The following GREB1L variants were observed in gnomAD, a reference collection of about 807,000 sequenced individuals.
GREB1L encodes GREB1 like retinoic acid receptor coactivator.
A neutral mutation model predicts 200.8 loss-of-function variants in GREB1L; 17 were observed. The ratio of observed to expected loss-of-function variants is 0.08; its 90% CI spans 0.06 to 0.13. The LOEUF (loss-of-function observed/expected upper bound fraction) is 0.13, where lower values mean the gene tolerates loss of function less well. Ranked by LOEUF, GREB1L falls within the 10% of genes least tolerant of loss-of-function variation. The pLI is 1.00. For missense variants in GREB1L, 1,657 were observed against 2,367.7 expected (o/e 0.70, Z 6.23); for synonymous variants, 789 against 893.0 (o/e 0.88, Z 2.08).
chr18:21,434,647 G>C (rs930793229), intron 7 of GREB1L, among the ~76,000 whole-genome samples: 1 of 150,972 alleles, frequency 6.6e-6, no homozygotes, highest in African/African-American at 2.4e-5. Flanking sequence ...TAGGTTAAAT[G>C]GCTGCTGCTA....
At chr18:21,355,263 G>A (rs2039487100) in intron 1 of GREB1L, among the ~76,000 whole-genome samples, 3 of 150,306 alleles carry the variant, frequency 2.0e-5, no homozygotes, top group Non-Finnish European at 3.0e-5. Context: ...GTGCAATCTC[G>A]GCTCACTGTA....
intron 1 of GREB1L, chr18:21,317,629 T>C (rs185106085): frequency 3.0e-4 from 45 of 151,976 alleles, no homozygotes; most frequent in African/African-American, 1.1e-3. Context: ...AATGTGCAAG[T>C]ATAAAAAAAA....
rs537490805 is a variant in GREB1L, at chr18:21,455,676, C to CA, written c.2182+1125dup. Among the ~76,000 whole-genome samples the CA allele has an allele frequency of 4.6e-3, 518 of 112,870 alleles. 2 individuals are homozygous for CA. Among genetic ancestry groups the CA allele is most frequent in the Non-Finnish European group, 4.9e-3 (257 of 52,904 alleles). The allele number at this position is 112,870 out of a possible 152,430, so 74.0% of individuals were successfully genotyped here. On this transcript the variant is annotated intron_variant, in intron 15 of 32. Transcript: ENST00000424526. ...TGGGTGACAGAGTGAGACCCTCTCC[C>CA]AAAAAAAAAAAACAAAAAAACAAAG...
intron 1 of GREB1L, among the ~76,000 whole-genome samples, chr18:21,250,240 G>A (rs969711175): frequency 1.3e-5 from 2 of 152,164 alleles, no homozygotes; most frequent in Admixed American, 1.3e-4. Flanking sequence ...TCTCTCTAGT[G>A]CACCACACTC....
intron 15 of GREB1L, among the ~76,000 whole-genome samples, chr18:21,460,842 A>G (rs974374994): frequency 6.6e-6 from 1 of 151,318 alleles, no homozygotes; most frequent in Non-Finnish European, 1.5e-5. Context: ...CATGCCTATA[A>G]TCCCAGCACT....
intron 1 of GREB1L, among the ~76,000 whole-genome samples, chr18:21,365,463 AT>A (rs1237794373): frequency 1.3e-5 from 2 of 152,196 alleles, no homozygotes; most frequent in Non-Finnish European, 2.9e-5. Flanking sequence ...AATTATAATT[AT>A]TTAGTTTAAT....
At chr18:21,379,816 A>G (rs187317504) in intron 2 of GREB1L, among the ~76,000 whole-genome samples, 174 of 152,100 alleles carry the variant, frequency 1.1e-3, no homozygotes, top group African/African-American at 4.1e-3. Flanking sequence ...AAAGTAAATT[A>G]CTTCTGAGCT....
intron 19 of GREB1L, among the ~76,000 whole-genome samples, chr18:21,491,750 C>T (rs1218204941): frequency 6.6e-6 from 1 of 151,492 alleles, no homozygotes; most frequent in African/African-American, 2.4e-5. Context: ...TGTAAATCTT[C>T]TTCTTGTGTT....
intron 1 of GREB1L, among the ~76,000 whole-genome samples, chr18:21,326,241 A>G: frequency 6.6e-6 from 1 of 152,204 alleles, no homozygotes; most frequent in East Asian, 1.9e-4. Context: ...AATTACACAC[A>G]CACATGCAAA....
rs78054198 is a variant in GREB1L, at chr18:21,489,738, G to T, written c.2691-274G>T. Reference sequence around the variant, plus strand: ...CTCCCAGGTGCTGCTGCTGCTGGTGGTCTGTAGACCATACTTTGAGAAGAG... The same window carrying T: ...CTCCCAGGTGCTGCTGCTGCTGGTGTTCTGTAGACCATACTTTGAGAAGAG... On this transcript the variant is annotated intron_variant, in intron 18 of 32. Coordinates refer to ENST00000424526, the MANE Select transcript of GREB1L (RefSeq NM_001142966.3). 0.11 allele frequency among the ~76,000 whole-genome samples: 16,590 copies of T among 152,150 alleles called. 1,029 individuals carry two copies. Among genetic ancestry groups the T allele is most frequent in the Middle Eastern group, 0.21 (61 of 294 alleles).
rs1567919288 is a variant in GREB1L at position 21,278,387 on chromosome 18, A to AT, written c.-120+35994_-120+35995insT. Among the ~76,000 whole-genome samples, 40 of 139,378 alleles carry AT rather than the reference A, an allele frequency of 2.9e-4. 1 individual carries two copies. The highest frequency in any genetic ancestry group is 1.1e-3 in the African/African-American group (37 of 33,816). The allele number at this position is 139,378 out of a possible 152,430, so 91.4% of individuals were successfully genotyped here. The stretch of plus-strand genomic sequence containing the variant: ...AAGAGCAAGACTCCATCTCAAAAAA[A>AT]AAAAATAAATAAATAAATAAATAAA... On this transcript the variant is annotated intron_variant, in intron 1 of 32. Coordinates refer to ENST00000424526, the MANE Select transcript of GREB1L (RefSeq NM_001142966.3).
At position 21,523,885 on chromosome 18, in the gene GREB1L, G is replaced by A. The variant is rs1224195328; in HGVS notation, c.*1064G>A. The A allele has an allele frequency of 6.6e-6, 1 of 152,218 alleles. No individual in the cohort carries two copies. The highest frequency in any genetic ancestry group is 1.5e-5 in the Non-Finnish European group (1 of 68,040). 9.4% of individuals were successfully genotyped at this position (152,218 alleles called of 1,614,324 possible). ...TTACTTAATCTTACCAGTGACTCTT[G>A]TGAGGAGTAAGGAAGACTCCATTAA... On this transcript the variant is annotated 3_prime_UTR_variant, in exon 33 of 33. Transcript: ENST00000424526.
intron 4 of GREB1L, among the ~76,000 whole-genome samples, chr18:21,389,378 C>T (rs1364248207): frequency 3.6e-5 from 4 of 112,116 alleles, no homozygotes; most frequent in Middle Eastern, 4.4e-3. Flanking sequence ...TCTCTTTTCA[C>T]GGGCACAGGA....
At chr18:21,431,492 A>C (rs867027291) in intron 7 of GREB1L, among the ~76,000 whole-genome samples, 1 of 152,040 alleles carries the variant, frequency 6.6e-6, no homozygotes, top group Non-Finnish European at 1.5e-5. Flanking sequence ...ATTTTATATG[A>C]TTTTAGTTCT....
intron 7 of GREB1L, among the ~76,000 whole-genome samples, chr18:21,436,669 G>GGTGT (rs71178172): frequency 0.15 from 19,779 of 132,330 alleles, 1,515 homozygotes; most frequent in Non-Finnish European, 0.17. Context: ...AAAGTTCAGT[G>GGTGT]GTGTGTGTGT....
At chr18:21,383,433 C>T in intron 2 of GREB1L, 77 bp from the exon 3 acceptor site, 1 of 1,077,556 alleles carries the variant, frequency 9.3e-7, no homozygotes, top group Non-Finnish European at 1.3e-6. Flanking sequence ...TTTAAATTAG[C>T]TCTACCTGTA....
At chr18:21,248,943 T>A (rs1006763991) in intron 1 of GREB1L, among the ~76,000 whole-genome samples, 2 of 151,482 alleles carry the variant, frequency 1.3e-5, no homozygotes, top group Non-Finnish European at 2.9e-5. Context: ...TTTGGAAATT[T>A]CCCTTTTTGG....
At chr18:21,290,511 C>A (rs1467389619) in intron 1 of GREB1L, among the ~76,000 whole-genome samples, 3 of 152,010 alleles carry the variant, frequency 2.0e-5, no homozygotes, top group Admixed American at 2.0e-4. Context: ...TTTTTCCCCC[C>A]AAAACAAATC....
intron 4 of GREB1L, among the ~76,000 whole-genome samples, chr18:21,391,672 C>G (rs1466001991): frequency 1.3e-5 from 2 of 152,160 alleles, no homozygotes; most frequent in Admixed American, 6.5e-5. Context: ...GTTCCTCAAT[C>G]GTTGACTCAC....
Sources: allele counts gnomAD v4.1 joint callset (sites outside exome capture counted in the v4.1 genomes callset), GRCh38; gene constraint gnomAD v4.1.1; transcripts MANE v1.5; gene names NCBI Gene and HGNC (gene_info 2026-07-23, HGNC 2026-07-21).